Variants in IL17RD observed in about 807,000 individuals in gnomAD.
IL17RD encodes interleukin-17 receptor D.
Under a neutral mutation model 80.5 loss-of-function variants are expected in IL17RD, and 52 were observed. The ratio of observed to expected loss-of-function variants is 0.65; its 90% CI spans 0.52 to 0.81. The LOEUF (loss-of-function observed/expected upper bound fraction) is 0.81. Ranked by LOEUF, IL17RD falls within the 40% of genes least tolerant of loss-of-function variation. The probability of loss-of-function intolerance (pLI) is 0.00; values close to 1 mark genes in which losing one functional copy is unlikely to be tolerated. For missense variants in IL17RD, 1,024 were observed against 955.1 expected, an observed-to-expected ratio of 1.07 and a Z score of -0.95; for synonymous variants, 416 against 391.8, an observed-to-expected ratio of 1.06 and a Z score of -0.73.
At chr3:57,143,384 C>T (rs1707867986) in intron 1 of IL17RD, among the ~76,000 whole-genome samples, 2 of 152,336 alleles carry the variant, frequency 1.3e-5, no homozygotes, top group East Asian at 3.9e-4. Context: ...ACAAAGGCTA[C>T]GTCATTCTCA....
At chr3:57,128,831 T>C (rs1245217273) in intron 1 of IL17RD, among the ~76,000 whole-genome samples, 2 of 152,110 alleles carry the variant, frequency 1.3e-5, no homozygotes, top group African/African-American at 4.8e-5. Context: ...TCCCTGGGTT[T>C]AAAAACAAGG....
At chr3:57,133,999 C>G (rs1279944579) in intron 1 of IL17RD, 5 of 290,898 alleles carry the variant, frequency 1.7e-5, no homozygotes, top group Non-Finnish European at 2.6e-5. Flanking sequence ...ATGAAGTTAG[C>G]ATGAAACAGA....
chr3:57,119,855 A>T (rs1486939667), intron 2 of IL17RD, among the ~76,000 whole-genome samples: 1 of 152,272 alleles, frequency 6.6e-6, no homozygotes, highest in Admixed American at 6.5e-5. Flanking sequence ...TTTGGAATTA[A>T]GGAGTCAAGG....
chr3:57,130,154 C>A (rs2107513389), intron 1 of IL17RD, among the ~76,000 whole-genome samples: 1 of 152,302 alleles, frequency 6.6e-6, no homozygotes, highest in African/African-American at 2.4e-5. Context: ...AAAAATAATC[C>A]TTACCCAATT....
chr3:57,103,242 G>A, intron 8 of IL17RD, 97 bp from the exon 9 acceptor site: 1 of 1,067,912 alleles, frequency 9.4e-7, no homozygotes, highest in Non-Finnish European at 1.4e-6. Context: ...TCCATCAGTG[G>A]GCAGTGCGGG....
chr3:57,105,116 C>T (rs1302214617), intron 7 of IL17RD, among the ~76,000 whole-genome samples: 1 of 152,186 alleles, frequency 6.6e-6, no homozygotes, highest in Non-Finnish European at 1.5e-5. Flanking sequence ...GGTGACATCC[C>T]TGAGCCTCAG....
chr3:57,113,529 G>A (rs4060550), intron 3 of IL17RD, among the ~76,000 whole-genome samples: 4,711 of 152,082 alleles, frequency 0.031, 232 homozygotes, highest in African/African-American at 0.11. Context: ...GAGCCACCAC[G>A]CCCAGCCTGT....
intron 1 of IL17RD, among the ~76,000 whole-genome samples, chr3:57,147,121 C>T (rs1707950073): frequency 6.6e-6 from 1 of 151,466 alleles, no homozygotes; most frequent in African/African-American, 2.4e-5. Flanking sequence ...ATAGGCTTAA[C>T]CCACCTGGCT....
chr3:57,128,690 T>G (rs1307464936), intron 1 of IL17RD, among the ~76,000 whole-genome samples: 1 of 152,138 alleles, frequency 6.6e-6, no homozygotes, highest in African/African-American at 2.4e-5. Context: ...CTGCATATAT[T>G]TTTTAATGTT....
intron 5 of IL17RD, among the ~76,000 whole-genome samples, chr3:57,108,937 G>A (rs548505394): frequency 1.3e-5 from 2 of 152,244 alleles, no homozygotes; most frequent in South Asian, 2.1e-4. Flanking sequence ...GGCATGTGCT[G>A]TGCCTGGTAA....
intron 1 of IL17RD, among the ~76,000 whole-genome samples, chr3:57,124,773 T>A (rs1189097233): frequency 6.6e-6 from 1 of 152,242 alleles, no homozygotes; most frequent in Non-Finnish European, 1.5e-5. Context: ...TACACTCATA[T>A]AATTTCAGCT....
intron 1 of IL17RD, among the ~76,000 whole-genome samples, chr3:57,162,323 C>G (rs1054684713): frequency 3.3e-5 from 5 of 152,354 alleles, no homozygotes; most frequent in Non-Finnish European, 5.9e-5. Context: ...ATGGCCCAGG[C>G]CCACAGAAAG....
chr3:57,157,555 G>A (rs1312466188), intron 1 of IL17RD, among the ~76,000 whole-genome samples: 6 of 152,198 alleles, frequency 3.9e-5, no homozygotes, highest in Admixed American at 6.5e-5. Flanking sequence ...AATCCTAACC[G>A]TGTGAGTGCC....
intron 1 of IL17RD, among the ~76,000 whole-genome samples, chr3:57,158,995 C>A (rs1483819148): frequency 6.6e-6 from 1 of 152,152 alleles, no homozygotes; most frequent in Non-Finnish European, 1.5e-5. Flanking sequence ...TATGAACAGA[C>A]AACATGCCCT....
chr3:57,154,929 C>T (rs1433364985), intron 1 of IL17RD, among the ~76,000 whole-genome samples: 2 of 152,084 alleles, frequency 1.3e-5, no homozygotes, highest in African/African-American at 2.4e-5. Context: ...CAAAAAAGCC[C>T]GGGAAGTCAC....
rs887373411 is a variant in IL17RD, at chr3:57,096,282, T to C, written c.*111A>G. ...GTACTGGCCAGCATTTCACTCCAAATATCCTTGTATGAGACCTCAGCTCCA... is the reference window on the plus strand; with the variant it reads ...GTACTGGCCAGCATTTCACTCCAAACATCCTTGTATGAGACCTCAGCTCCA... On this transcript the variant is annotated 3_prime_UTR_variant, in exon 13 of 13. Transcript: ENST00000296318. 20 of 760,532 alleles carry C rather than the reference T, an allele frequency of 2.6e-5. No homozygotes were observed. In the African/African-American group the frequency reaches 3.2e-4, roughly 12 times the overall value. 47.1% of individuals were successfully genotyped at this position (760,532 alleles called of 1,614,324 possible). A position where few individuals can be genotyped will look rare whatever the true frequency, so the allele number is the denominator to read the frequency against.
At chr3:57,096,621 A>T in intron 12 of IL17RD, 116 bp from the exon 13 acceptor site, 1 of 739,252 alleles carries the variant, frequency 1.4e-6, no homozygotes, top group Non-Finnish European at 2.4e-6. Flanking sequence ...TGTATAAACG[A>T]GGCAAGAATC....
At chr3:57,138,561 G>A (rs759875208) in intron 1 of IL17RD, among the ~76,000 whole-genome samples, 2 of 152,142 alleles carry the variant, frequency 1.3e-5, no homozygotes, top group African/African-American at 4.8e-5. Context: ...ATACAATACC[G>A]AGGTGATGAT....
intron 1 of IL17RD, among the ~76,000 whole-genome samples, chr3:57,164,233 C>T (rs940776276): frequency 2.2e-4 from 33 of 152,192 alleles, no homozygotes; most frequent in Admixed American, 1.3e-3. Flanking sequence ...GCCCTGACGC[C>T]GGGCCCACCC....
Sources: gnomAD v4.1 joint callset for allele counts (sites outside exome capture counted in the v4.1 genomes callset) on GRCh38, gnomAD v4.1.1 for gene constraint, MANE v1.5 for transcripts, NCBI Gene and HGNC (gene_info 2026-07-23, HGNC 2026-07-21) for gene names.